The following SLC24A2 variants were observed in gnomAD, a reference collection of about 807,000 sequenced individuals.
SLC24A2 encodes sodium/potassium/calcium exchanger 2.
SLC24A2 carries 36 observed loss-of-function variants against 62.0 expected under a neutral mutation model. The ratio of observed to expected loss-of-function variants is 0.58; its 90% CI spans 0.44 to 0.77. The LOEUF (loss-of-function observed/expected upper bound fraction) is 0.77, where lower values mean the gene tolerates loss of function less well. Among genes scored for constraint, SLC24A2 ranks in the 30% least tolerant of loss-of-function variants. The pLI, the probability that SLC24A2 is intolerant of heterozygous loss-of-function variation, is 0.00. For synonymous variants in SLC24A2, 358 were observed against 294.0 expected (o/e 1.22, Z -2.23); for missense variants, 846 against 817.9 (o/e 1.03, Z -0.42).
At chr9:20,219,317 G>A in the SLC24A2 span, among the ~76,000 whole-genome samples, 35,964 of 152,072 alleles carry the variant, frequency 0.24, 5,417 homozygotes, top group East Asian at 0.67. Context: ...GAAGTGCACT[G>A]GAAGTCTGCA....
At chr9:19,919,899 T>A in the SLC24A2 span, among the ~76,000 whole-genome samples, 5 of 152,110 alleles carry the variant, frequency 3.3e-5, no homozygotes, top group Admixed American at 6.5e-5. Context: ...CATGCTGGGA[T>A]TATGGGAACT....
the SLC24A2 span, among the ~76,000 whole-genome samples, chr9:20,159,205 C>T: frequency 6.6e-6 from 1 of 151,644 alleles, no homozygotes; most frequent in East Asian, 1.9e-4. Flanking sequence ...ATATCATACA[C>T]ACGAACCATT....
chr9:19,940,788 C>G, the SLC24A2 span, among the ~76,000 whole-genome samples: 1 of 152,234 alleles, frequency 6.6e-6, no homozygotes, highest in Non-Finnish European at 1.5e-5. Flanking sequence ...GGTGCCCTCT[C>G]AATGCACAGT....
chr9:19,733,171 C>T (rs947286857), intron 2 of SLC24A2, among the ~76,000 whole-genome samples: 1 of 151,798 alleles, frequency 6.6e-6, no homozygotes, highest in African/African-American at 2.4e-5. Context: ...CCCTTTGGTG[C>T]CTGAGTCTCA....
chr9:20,236,129 C>A, the SLC24A2 span, among the ~76,000 whole-genome samples: 1 of 152,174 alleles, frequency 6.6e-6, no homozygotes, highest in African/African-American at 2.4e-5. Flanking sequence ...AAGTATCTAT[C>A]AGCAGCAGTC....
the SLC24A2 span, among the ~76,000 whole-genome samples, chr9:20,077,020 T>G: frequency 6.6e-6 from 1 of 151,224 alleles, no homozygotes; most frequent in African/African-American, 2.4e-5. Flanking sequence ...TGGAAGGCCT[T>G]CAGCTAATGA....
chr9:19,922,404 T>C, the SLC24A2 span, among the ~76,000 whole-genome samples: 1 of 152,232 alleles, frequency 6.6e-6, no homozygotes, highest in Non-Finnish European at 1.5e-5. Flanking sequence ...AAAATCTTTT[T>C]ATGCACCCTA....
intron 2 of SLC24A2, among the ~76,000 whole-genome samples, chr9:19,662,862 G>A (rs1371686118): frequency 2.0e-5 from 3 of 152,158 alleles, no homozygotes; most frequent in East Asian, 1.9e-4. Context: ...TGCCCCATGA[G>A]CTGTTTTGTG....
intron 2 of SLC24A2, among the ~76,000 whole-genome samples, chr9:19,740,738 G>A (rs1221582561): frequency 2.0e-5 from 3 of 152,120 alleles, no homozygotes; most frequent in Non-Finnish European, 2.9e-5. Context: ...TAGGGAGGAG[G>A]TATGGGGGCT....
the SLC24A2 span, among the ~76,000 whole-genome samples, chr9:20,129,471 T>C: frequency 2.0e-5 from 3 of 152,030 alleles, no homozygotes; most frequent in African/African-American, 7.2e-5. Flanking sequence ...AACAAAAACT[T>C]GTACACGAAT....
intron 2 of SLC24A2, among the ~76,000 whole-genome samples, chr9:19,784,710 G>A (rs1823110841): frequency 6.6e-6 from 1 of 152,074 alleles, no homozygotes; most frequent in African/African-American, 2.4e-5. Context: ...CTGAATGCTT[G>A]TTTGCCGTAT....
the SLC24A2 span, among the ~76,000 whole-genome samples, chr9:20,293,042 A>G: frequency 3.3e-5 from 5 of 152,202 alleles, no homozygotes; most frequent in Non-Finnish European, 5.9e-5. Flanking sequence ...TTGTCACTGC[A>G]TAACATCAAT....
intron 1 of SLC24A2, 189 bp downstream of exon 1, chr9:19,788,696 C>CG: frequency 1.0e-6 from 1 of 985,202 alleles, no homozygotes; most frequent in Non-Finnish European, 1.2e-6. Context: ...GTAGGAGAGG[C>CG]GGGGGCTCCA....
chr9:19,828,773 G>T, the SLC24A2 span, among the ~76,000 whole-genome samples: 1 of 152,182 alleles, frequency 6.6e-6, no homozygotes, highest in Admixed American at 6.5e-5. Context: ...GGTAAGTGGA[G>T]GGGAGGAGAT....
At chr9:19,659,317 G>C (rs1250361679) in intron 2 of SLC24A2, among the ~76,000 whole-genome samples, 3 of 152,144 alleles carry the variant, frequency 2.0e-5, no homozygotes, top group Non-Finnish European at 4.4e-5. Context: ...CCAGCACCTT[G>C]ATTTCAGGCT....
At chr9:20,227,292 C>A in the SLC24A2 span, among the ~76,000 whole-genome samples, 2 of 152,098 alleles carry the variant, frequency 1.3e-5, no homozygotes, top group African/African-American at 2.4e-5. Context: ...TTTATGGTTT[C>A]TTTGGTATGT....
At chr9:20,053,442 C>T in the SLC24A2 span, among the ~76,000 whole-genome samples, 37 of 152,288 alleles carry the variant, frequency 2.4e-4, no homozygotes, top group African/African-American at 8.2e-4. Context: ...CACAAAGATG[C>T]TCTCTGTTTT....
intron 8 of SLC24A2, among the ~76,000 whole-genome samples, chr9:19,532,829 G>A (rs1177495560): frequency 6.6e-6 from 1 of 152,170 alleles, no homozygotes; most frequent in Admixed American, 6.5e-5. Context: ...GGGTTCTCAG[G>A]TTCCTTCCTA....
intron 7 of SLC24A2, among the ~76,000 whole-genome samples, chr9:19,557,956 A>G (rs562289356): frequency 7.9e-5 from 12 of 151,392 alleles, no homozygotes; most frequent in African/African-American, 2.9e-4. Context: ...AGTAGCTGAG[A>G]CTACACGTAT....
Sources: allele counts gnomAD v4.1 joint callset (sites outside exome capture counted in the v4.1 genomes callset), GRCh38; gene constraint gnomAD v4.1.1; transcripts MANE v1.5; gene names NCBI Gene and HGNC (gene_info 2026-07-23, HGNC 2026-07-21).